Variants in MAST4 observed in about 807,000 individuals in gnomAD.
The protein encoded by MAST4 is microtubule associated serine/threonine kinase family member 4.
Under a neutral mutation model 162.7 loss-of-function variants are expected in MAST4, and 89 were observed. The ratio of observed to expected loss-of-function variants is 0.55; its 90% CI spans 0.46 to 0.65. The LOEUF (loss-of-function observed/expected upper bound fraction) is 0.65, where lower values mean the gene tolerates loss of function less well. Ranked by LOEUF, MAST4 falls within the 30% of genes least tolerant of loss-of-function variation. MAST4 has a pLI of 0.00. For synonymous variants in MAST4, 1,479 were observed against 1,361.1 expected (o/e 1.09, Z -1.91); for missense variants, 3,153 against 3,374.0 (o/e 0.93, Z 1.62).
At chr5:67,033,494 T>C (rs1369605398) in intron 4 of MAST4, among the ~76,000 whole-genome samples, 1 of 151,958 alleles carries the variant, frequency 6.6e-6, no homozygotes, top group Non-Finnish European at 1.5e-5. Flanking sequence ...ATATTCTGTG[T>C]TTTTTGGCCA....
At chr5:66,769,946 G>A (rs1754288021) in intron 2 of MAST4, among the ~76,000 whole-genome samples, 1 of 152,134 alleles carries the variant, frequency 6.6e-6, no homozygotes, top group Admixed American at 6.5e-5. Context: ...ACATCCTGCT[G>A]GTATTTGTTT....
chr5:67,112,799 T>C (rs74495954), intron 11 of MAST4, among the ~76,000 whole-genome samples: 6,427 of 152,120 alleles, frequency 0.042, 239 homozygotes, highest in East Asian at 0.18. Flanking sequence ...GATGACATCA[T>C]TGGCCATTGG....
chr5:66,963,894 G>A (rs1746328047), intron 4 of MAST4: 11 of 766,150 alleles, frequency 1.4e-5, no homozygotes, highest in South Asian at 9.7e-5. Context: ...AATCCACAGG[G>A]TGAGGAAACT....
intron 12 of MAST4, 126 bp downstream of exon 12, chr5:67,114,345 G>T: frequency 8.6e-7 from 1 of 1,162,078 alleles, no homozygotes; most frequent in Non-Finnish European, 1.2e-6. Context: ...GTCCATATTT[G>T]GGGACTGGTT....
At chr5:66,932,897 A>G (rs1742326588) in intron 4 of MAST4, among the ~76,000 whole-genome samples, 1 of 152,180 alleles carries the variant, frequency 6.6e-6, no homozygotes, top group Non-Finnish European at 1.5e-5. Flanking sequence ...ATAAGTCTCA[A>G]CAAAACATTG....
intron 1 of MAST4, among the ~76,000 whole-genome samples, chr5:66,750,585 G>A (rs150116232): frequency 0.039 from 5,982 of 152,256 alleles, 184 homozygotes; most frequent in South Asian, 0.12. Flanking sequence ...GCGCTTTTCC[G>A]ACCGGCTTAA....
chr5:66,715,368 A>G (rs1375387072), intron 1 of MAST4, among the ~76,000 whole-genome samples: 1 of 152,138 alleles, frequency 6.6e-6, no homozygotes, highest in Non-Finnish European at 1.5e-5. Flanking sequence ...ATTATCATGT[A>G]ATGTGTTGAT....
chr5:66,838,062 A>G (rs566917733), intron 3 of MAST4, among the ~76,000 whole-genome samples: 1 of 151,810 alleles, frequency 6.6e-6, no homozygotes, highest in African/African-American at 2.4e-5. Context: ...AGCTGGAGGC[A>G]GCTCTAGACC....
At chr5:67,130,713 A>T (rs918809805) in intron 15 of MAST4, among the ~76,000 whole-genome samples, 4 of 152,088 alleles carry the variant, frequency 2.6e-5, no homozygotes, top group Non-Finnish European at 4.4e-5. Flanking sequence ...AGGTGATGGG[A>T]TTTTTTTCTG....
chr5:66,971,852 C>G (rs1314439003), intron 4 of MAST4, among the ~76,000 whole-genome samples: 1 of 152,032 alleles, frequency 6.6e-6, no homozygotes, highest in African/African-American at 2.4e-5. Flanking sequence ...TTTAAAAATC[C>G]TATTTCCAAC....
intron 1 of MAST4, among the ~76,000 whole-genome samples, chr5:66,677,272 C>T (rs948947834): frequency 6.6e-6 from 1 of 152,172 alleles, no homozygotes; most frequent in Admixed American, 6.5e-5. Context: ...AAATTATACC[C>T]TTGTAAAGGA....
At chr5:66,887,868 T>C (rs1368021692) in intron 3 of MAST4, among the ~76,000 whole-genome samples, 1 of 152,160 alleles carries the variant, frequency 6.6e-6, no homozygotes, top group Non-Finnish European at 1.5e-5. Flanking sequence ...ATGGTCTTCA[T>C]TCTCGAAGTT....
At chr5:67,052,531 G>A (rs1758315055) in intron 4 of MAST4, among the ~76,000 whole-genome samples, 1 of 151,974 alleles carries the variant, frequency 6.6e-6, no homozygotes, top group Non-Finnish European at 1.5e-5. Context: ...GTATGGTAGT[G>A]TACGTTTCTT....
intron 3 of MAST4, among the ~76,000 whole-genome samples, chr5:66,857,177 T>TC (rs922186663): frequency 3.9e-5 from 6 of 152,238 alleles, no homozygotes; most frequent in Non-Finnish European, 7.3e-5. Context: ...GAACTTTTTT[T>TC]CCCCACTCAG....
chr5:66,673,359 TTTC>T (rs1161957143), intron 1 of MAST4, among the ~76,000 whole-genome samples: 7 of 152,198 alleles, frequency 4.6e-5, no homozygotes, highest in South Asian at 2.1e-4. Context: ...ACCTGTCTCC[TTTC>T]TTCTTTTGTT....
At chr5:67,153,650 T>C in intron 26 of MAST4, 70 bp downstream of exon 26, 1 of 1,408,106 alleles carries the variant, frequency 7.1e-7, no homozygotes, top group Non-Finnish European at 9.4e-7. Context: ...ACCAGGAGAT[T>C]GATTTCCCTG....
chr5:67,119,711 A>G lies in MAST4; in HGVS notation c.1659+962A>G, dbSNP rs182902967. 1.6e-4 allele frequency among the ~76,000 whole-genome samples: 24 copies of G among 152,344 alleles called. No homozygotes were observed. In the East Asian group the frequency reaches 4.0e-3, roughly 26 times the overall value. ...AGACTAAAGTTCCTTTGAAACATTAAAGAAGATCCATCAAACTGGCAACTG... is the reference window on the plus strand; with the variant it reads ...AGACTAAAGTTCCTTTGAAACATTAGAGAAGATCCATCAAACTGGCAACTG... On this transcript the variant is annotated intron_variant, in intron 13 of 28. Coordinates refer to ENST00000403625, the MANE Select transcript of MAST4 (RefSeq NM_001164664.2).
chr5:67,160,914 T>C (rs1773113525), intron 27 of MAST4, among the ~76,000 whole-genome samples: 1 of 152,214 alleles, frequency 6.6e-6, no homozygotes, highest in Non-Finnish European at 1.5e-5. Flanking sequence ...CTTCAGGTGG[T>C]TTTTAACATT....
rs780458231 is a variant in MAST4 at position 67,163,144 on chromosome 5, C to T, written c.3968-3C>T. ...CTCACAGCCTTCTGTTTTCCATCCA[C>T]AGGTACTAATTCCTCCCAGAGCAGC... On this transcript the variant is annotated splice_region_variant and splice_polypyrimidine_tract_variant and intron_variant, in intron 28 of 28. Coordinates refer to ENST00000403625, the MANE Select transcript of MAST4 (RefSeq NM_001164664.2). This position sits in a 1 kb window ranked among gnomAD's most constrained non-coding sequence, Gnocchi z 7.0. 1 of 1,595,846 alleles carries T rather than the reference C, an allele frequency of 6.3e-7. No homozygotes were observed. The highest frequency in any genetic ancestry group is 1.1e-5 in the South Asian group (1 of 90,166).
Sources: allele counts gnomAD v4.1 joint callset (sites outside exome capture counted in the v4.1 genomes callset), GRCh38; gene constraint gnomAD v4.1.1; non-coding constraint Gnocchi (gnomAD v3.1); transcripts MANE v1.5; gene names NCBI Gene and HGNC (gene_info 2026-07-23, HGNC 2026-07-21).